S100A10: variants seen among roughly 807,000 people sequenced by gnomAD.
S100A10 encodes the protein S100 calcium binding protein A10.
A neutral mutation model predicts 7.1 loss-of-function variants in S100A10; 3 were observed. The observed-to-expected ratio is 0.42, with a 90% confidence interval of 0.19 to 1.10. The LOEUF (loss-of-function observed/expected upper bound fraction) is 1.10. Among genes scored for constraint, S100A10 ranks in the 50% least tolerant of loss-of-function variants. The pLI is 0.29. For synonymous variants in S100A10, 41 were observed against 39.3 expected, an observed-to-expected ratio of 1.04 and a Z score of -0.16; for missense variants, 101 against 118.1, an observed-to-expected ratio of 0.86 and a Z score of 0.67.
At chr1:151,985,267 A>G (rs1655767448) in intron 2 of S100A10, 1 of 152,146 alleles carries the variant, frequency 6.6e-6, no homozygotes, top group South Asian at 2.1e-4. Flanking sequence ...AAGGGCTTGC[A>G]TTTCAGTCTA....
chr1:151,983,415 A>C, intron 2 of S100A10, 91 bp from the exon 3 acceptor site: 1 of 695,136 alleles, frequency 1.4e-6, no homozygotes, highest in Non-Finnish European at 2.1e-6. Flanking sequence ...CTGTGTATAT[A>C]TCTCCCAATT....
intron 1 of S100A10, among the ~76,000 whole-genome samples, chr1:151,988,147 A>G (rs979995215): frequency 3.3e-5 from 5 of 152,232 alleles, no homozygotes; most frequent in South Asian, 4.1e-4. Flanking sequence ...AACTAGGGGT[A>G]TATGTCTCAC....
In S100A10 at chr1:151,983,667, A is replaced by G. The variant is rs577112238; in HGVS notation, c.133-343T>C. Reference sequence around the variant, plus strand: ...TGAAAAGATATTTATGATTTAGGGAATAAGTTTTGGATCACTGTCCTATGG... The same window carrying G: ...TGAAAAGATATTTATGATTTAGGGAGTAAGTTTTGGATCACTGTCCTATGG... On this transcript the variant is annotated intron_variant, in intron 2 of 2. Transcript: ENST00000368811. 2.0e-5 allele frequency among the ~76,000 whole-genome samples: 3 copies of G among 152,314 alleles called. No homozygotes were observed. The East Asian group carries it at 5.8e-4, about 29-fold the overall frequency.
At chr1:151,992,881 A>AC (rs1553186066) in intron 1 of S100A10, among the ~76,000 whole-genome samples, 1 of 152,154 alleles carries the variant, frequency 6.6e-6, no homozygotes, top group Non-Finnish European at 1.5e-5. Context: ...GAGGCTGGAC[A>AC]GGCAGCAGTG....
chr1:151,986,256 T>G lies in S100A10; in HGVS notation c.-21-5A>C. On this transcript the variant is annotated splice_polypyrimidine_tract_variant and splice_region_variant and intron_variant, in intron 1 of 2. Transcript: ENST00000368811. ...TTTGGTGTGGTCCGTTGAAGCCTAT[T>G]AAAGGATGTAAAGTAACAGGGTCTA... 1 of 1,567,640 alleles carries G rather than the reference T, an allele frequency of 6.4e-7. No individual in the cohort carries two copies. Among genetic ancestry groups the G allele is most frequent in the Non-Finnish European group, 8.6e-7 (1 of 1,160,718 alleles).
chr1:151,992,779 G>C (rs1655933980), intron 1 of S100A10, among the ~76,000 whole-genome samples: 1 of 152,210 alleles, frequency 6.6e-6, no homozygotes, highest in Non-Finnish European at 1.5e-5. Context: ...TCTGGCTTAG[G>C]GCTCCCCTGT....
intron 1 of S100A10, among the ~76,000 whole-genome samples, chr1:151,992,838 G>A (rs1308841218): frequency 6.6e-6 from 1 of 151,900 alleles, no homozygotes; most frequent in Non-Finnish European, 1.5e-5. Context: ...CAACAAGGCA[G>A]AGCTCCTGGT....
intron 1 of S100A10, among the ~76,000 whole-genome samples, chr1:151,988,430 A>G (rs1171766682): frequency 6.6e-6 from 1 of 152,254 alleles, no homozygotes; most frequent in Non-Finnish European, 1.5e-5. Context: ...TCTGGTTCCT[A>G]TCTCTGAGAG....
At position 151,988,786 on chromosome 1, in the gene S100A10, G is replaced by T. The variant is rs1655848438; in HGVS notation, c.-21-2535C>A. ...GGTTTCAGATGGCAGTGGGCTTACA[G>T]AGAGTCTGCCTTGCCTGGACTGGTA... On this transcript the variant is annotated intron_variant, in intron 1 of 2. Coordinates refer to ENST00000368811, the MANE Select transcript of S100A10 (RefSeq NM_002966.3). Among the ~76,000 whole-genome samples the T allele has an allele frequency of 2.0e-5, 3 of 152,172 alleles. No individual in the cohort carries two copies. In the South Asian group the frequency reaches 6.2e-4, roughly 31 times the overall value.
intron 1 of S100A10, among the ~76,000 whole-genome samples, chr1:151,991,189 A>C (rs535220943): frequency 6.6e-5 from 10 of 152,280 alleles, no homozygotes; most frequent in African/African-American, 2.4e-4. Flanking sequence ...TTGCTTTAGA[A>C]ATTTTGGAGT....
At position 151,993,124 on chromosome 1, in the gene S100A10, C is replaced by T. The variant is rs1655942504; in HGVS notation, c.-22+628G>A. On this transcript the variant is annotated intron_variant, in intron 1 of 2. Coordinates refer to ENST00000368811, the MANE Select transcript of S100A10 (RefSeq NM_002966.3). The surrounding 1 kb of genome is among the most constrained non-coding windows in gnomAD (Gnocchi z 5.1). ...AGGGCCCTCTCCCACAAACCCCAGC[C>T]AAACTGCTGTAGAAAGAAAACAAGT... 6.6e-6 allele frequency among the ~76,000 whole-genome samples: 1 copy of T among 152,212 alleles called. No homozygotes were observed. Among genetic ancestry groups the T allele is most frequent in the Admixed American group, 6.5e-5 (1 of 15,288 alleles).
intron 1 of S100A10, among the ~76,000 whole-genome samples, chr1:151,987,509 T>TC (rs1655816754): frequency 6.6e-6 from 1 of 151,404 alleles, no homozygotes; most frequent in East Asian, 1.9e-4. Flanking sequence ...TGCTTACAAA[T>TC]GAATTTATCT....
In S100A10 at chr1:151,986,213, T is replaced by C. The variant is rs768902113; in HGVS notation, c.18A>G (p.Glu6=). ...TAAACATCATGGTTTCCATGGCGTG[T>C]TCCATTTGAGATGGCATTTTGGTGT... MPSQM[E]HAMETMMFTF... Residue 6 remains glutamate (E), a synonymous_variant, in exon 2 of 3, where the codon GAA becomes GAG. Transcript: ENST00000368811. 2 of 1,604,324 alleles carry C rather than the reference T, an allele frequency of 1.2e-6. No individual in the cohort carries two copies. Among genetic ancestry groups the C allele is most frequent in the South Asian group, 2.2e-5 (2 of 89,130 alleles).
At chr1:151,989,502 C>A (rs550240607) in intron 1 of S100A10, among the ~76,000 whole-genome samples, 2 of 152,294 alleles carry the variant, frequency 1.3e-5, no homozygotes, top group Non-Finnish European at 2.9e-5. Context: ...GCAACCAGTA[C>A]CCCAAAGGGC....
intron 2 of S100A10, chr1:151,985,335 C>A (rs1292758211): frequency 6.6e-6 from 1 of 152,184 alleles, no homozygotes; most frequent in African/African-American, 2.4e-5. Context: ...CTCTCGAGAA[C>A]CTGGAATATA....
rs772534637 is a variant in S100A10 at position 151,993,514 on chromosome 1, C to T, written c.-22+238G>A. Among the ~76,000 whole-genome samples, 1 of 152,196 alleles carries T rather than the reference C, an allele frequency of 6.6e-6. No homozygotes were observed. Among genetic ancestry groups the T allele is most frequent in the Admixed American group, 6.5e-5 (1 of 15,286 alleles). On this transcript the variant is annotated intron_variant, in intron 1 of 2. Transcript: ENST00000368811. The surrounding 1 kb of genome is among the most constrained non-coding windows in gnomAD (Gnocchi z 5.1). ...ACGGTCCCCTCCTAAAGAACAAGTGCCCCCTCCTCTGGTCCGCGTGGGTCT... is the reference window on the plus strand; with the variant it reads ...ACGGTCCCCTCCTAAAGAACAAGTGTCCCCTCCTCTGGTCCGCGTGGGTCT...
intron 1 of S100A10, among the ~76,000 whole-genome samples, chr1:151,988,617 C>T (rs1369240374): frequency 6.6e-6 from 1 of 152,232 alleles, no homozygotes; most frequent in Admixed American, 6.5e-5. Context: ...TGGCATGAGT[C>T]ATCTGAAAGG....
In S100A10 at chr1:151,985,517, T is replaced by C. The variant is rs1419324910; in HGVS notation, c.132+582A>G. ...ATGTGAAAAGCAGTTATTTCTGGAGTGATATGTGGCTTTTATTCAGTAGAT... is the reference window on the plus strand; with the variant it reads ...ATGTGAAAAGCAGTTATTTCTGGAGCGATATGTGGCTTTTATTCAGTAGAT... On this transcript the variant is annotated intron_variant, in intron 2 of 2. Coordinates refer to ENST00000368811, the MANE Select transcript of S100A10 (RefSeq NM_002966.3). 3.9e-5 allele frequency among the ~76,000 whole-genome samples: 4 copies of C among 102,496 alleles called. No individual in the cohort carries two copies. The South Asian group carries it at 1.0e-3, about 26-fold the overall frequency. 67.2% of individuals were successfully genotyped at this position (102,496 alleles called of 152,430 possible). A position where few individuals can be genotyped will look rare whatever the true frequency, so the allele number is the denominator to read the frequency against.
intron 2 of S100A10, 92 bp downstream of exon 2, chr1:151,986,007 C>T: frequency 8.7e-7 from 1 of 1,145,252 alleles, no homozygotes; most frequent in Non-Finnish European, 1.2e-6. Context: ...GTGACCTCCA[C>T]AGGGAAGGGA....
Sources: gnomAD v4.1 joint callset for allele counts (sites outside exome capture counted in the v4.1 genomes callset) on GRCh38, gnomAD v4.1.1 for gene constraint, Gnocchi (gnomAD v3.1) non-coding constraint, MANE v1.5 for transcripts, NCBI Gene and HGNC (gene_info 2026-07-23, HGNC 2026-07-21) for gene names.